The following EYA1 variants were observed in gnomAD, a reference collection of about 807,000 sequenced individuals.
EYA1 encodes the protein EYA transcriptional coactivator and phosphatase 1.
Under a neutral mutation model 82.0 loss-of-function variants are expected in EYA1, and 16 were observed. The observed-to-expected ratio is 0.20, with a 90% CI of 0.13 to 0.30. The LOEUF is 0.30. EYA1 is among the 10% of genes least tolerant of loss of function. The pLI, the probability that EYA1 is intolerant of heterozygous loss-of-function variation, is 1.00. For missense variants in EYA1, 633 were observed against 730.7 expected, an observed-to-expected ratio of 0.87 and a Z score of 1.54; for synonymous variants, 261 against 264.4, an observed-to-expected ratio of 0.99 and a Z score of 0.12.
intron 2 of EYA1, among the ~76,000 whole-genome samples, chr8:71,395,823 A>G (rs1026855062): frequency 3.3e-5 from 5 of 152,150 alleles, no homozygotes; most frequent in Non-Finnish European, 7.3e-5. Context: ...ATTAGGGAGT[A>G]TTCCCTCTTT....
chr8:71,288,729 A>G (rs1282155309), intron 9 of EYA1, among the ~76,000 whole-genome samples: 1 of 152,232 alleles, frequency 6.6e-6, no homozygotes, highest in East Asian at 1.9e-4. Flanking sequence ...TGATTTCCAA[A>G]CCAATTCATG....
chr8:71,280,973 T>C (rs944021639), intron 9 of EYA1, among the ~76,000 whole-genome samples: 3 of 152,142 alleles, frequency 2.0e-5, no homozygotes, highest in Non-Finnish European at 4.4e-5. Context: ...GCCAGGCTAG[T>C]CTCAAACTCC....
rs150117738 is a variant in EYA1 at position 71,303,255 on chromosome 8, A to C, written c.557-3535T>G. Among the ~76,000 whole-genome samples, 3 of 141,202 alleles carry C rather than the reference A, an allele frequency of 2.1e-5. 1 individual carries two copies. The highest frequency in any genetic ancestry group is 7.5e-5 in the African/African-American group (3 of 40,148). 92.6% of individuals were successfully genotyped at this position (141,202 alleles called of 152,430 possible). ...GAATCAATCCACCTATCATCTGTCC[A>C]TCTATCTCCATGATATATGTGTGTG... On this transcript the variant is annotated intron_variant, in intron 7 of 17. Transcript: ENST00000340726.
intron 11 of EYA1, among the ~76,000 whole-genome samples, chr8:71,245,461 C>A (rs1016931963): frequency 1.3e-5 from 2 of 151,834 alleles, no homozygotes; most frequent in Admixed American, 6.6e-5. Flanking sequence ...GATCTGACCT[C>A]ATGATCCGCC....
At chr8:71,493,536 T>C (rs1044427724) in intron 2 of EYA1, among the ~76,000 whole-genome samples, 13 of 152,210 alleles carry the variant, frequency 8.5e-5, no homozygotes, top group Admixed American at 5.2e-4. Context: ...AATTAATTAC[T>C]AATAGAAAAC....
chr8:71,380,865 C>T (rs532988006), intron 2 of EYA1, among the ~76,000 whole-genome samples: 2 of 152,338 alleles, frequency 1.3e-5, no homozygotes, highest in African/African-American at 4.8e-5. Context: ...AACCCAAGTC[C>T]AGCTGATGCC....
chr8:71,264,635 T>C (rs1434072339), intron 11 of EYA1, among the ~76,000 whole-genome samples: 1 of 151,794 alleles, frequency 6.6e-6, no homozygotes, highest in East Asian at 1.9e-4. Context: ...TGGAATGCAG[T>C]AGTGCAATCA....
intron 2 of EYA1, among the ~76,000 whole-genome samples, chr8:71,456,543 T>G (rs2129185161): frequency 6.6e-6 from 1 of 152,194 alleles, no homozygotes; most frequent in East Asian, 1.9e-4. Context: ...AGCATGCTAC[T>G]GGTACCAAAA....
chr8:71,229,602 G>C (rs1039568170), intron 12 of EYA1, among the ~76,000 whole-genome samples: 1 of 152,182 alleles, frequency 6.6e-6, no homozygotes, highest in African/African-American at 2.4e-5. Flanking sequence ...TCAGTTAATA[G>C]ATAATGTTAG....
chr8:71,471,370 A>G (rs1276804083), intron 2 of EYA1, among the ~76,000 whole-genome samples: 2 of 152,084 alleles, frequency 1.3e-5, no homozygotes, highest in African/African-American at 4.8e-5. Flanking sequence ...GATGATTGTT[A>G]TATATTGATA....
At chr8:71,459,750 G>A (rs1385123960) in intron 2 of EYA1, among the ~76,000 whole-genome samples, 2 of 151,718 alleles carry the variant, frequency 1.3e-5, no homozygotes, top group East Asian at 3.9e-4. Flanking sequence ...TTCCAACACT[G>A]CTCTTAATAT....
intron 2 of EYA1, among the ~76,000 whole-genome samples, chr8:71,367,774 C>T (rs1827841129): frequency 6.6e-6 from 1 of 152,106 alleles, no homozygotes; most frequent in Non-Finnish European, 1.5e-5. Flanking sequence ...TGCTTGCAAG[C>T]GATCAAATTG....
chr8:71,365,425 A>G (rs1827697180), upstream of EYA1, among the ~76,000 whole-genome samples: 1 of 152,174 alleles, frequency 6.6e-6, no homozygotes, highest in African/African-American at 2.4e-5. Context: ...CAAAAATAAC[A>G]GTATAGTAAG....
At chr8:71,286,863 C>A (rs1405226760) in intron 9 of EYA1, among the ~76,000 whole-genome samples, 1 of 145,530 alleles carries the variant, frequency 6.9e-6, no homozygotes, top group Non-Finnish European at 1.5e-5. Context: ...AGTGCAGTGG[C>A]ACGATCTCAG....
intron 12 of EYA1, among the ~76,000 whole-genome samples, chr8:71,236,087 C>T (rs1048117610): frequency 2.6e-5 from 4 of 152,182 alleles, no homozygotes; most frequent in African/African-American, 9.7e-5. Context: ...GTCACTCAGG[C>T]TGGAGTGCAG....
chr8:71,445,795 C>T (rs912137025), intron 2 of EYA1, among the ~76,000 whole-genome samples: 18 of 152,162 alleles, frequency 1.2e-4, no homozygotes, highest in Admixed American at 2.0e-4. Context: ...CCCACCACCA[C>T]GCCCACCTCG....
intron 2 of EYA1, among the ~76,000 whole-genome samples, chr8:71,438,144 T>G (rs2129167890): frequency 6.6e-6 from 1 of 152,256 alleles, no homozygotes; most frequent in Middle Eastern, 3.4e-3. Flanking sequence ...CTTACCATCT[T>G]GTTAATTCTC....
intron 11 of EYA1, among the ~76,000 whole-genome samples, chr8:71,257,568 T>C (rs1814591434): frequency 6.6e-6 from 1 of 152,210 alleles, no homozygotes; most frequent in Non-Finnish European, 1.5e-5. Context: ...AAGAAGGTGC[T>C]AGGGCATACT....
intron 1 of EYA1, among the ~76,000 whole-genome samples, chr8:71,546,629 G>A (rs1042901944): frequency 2.0e-5 from 3 of 151,612 alleles, no homozygotes; most frequent in Non-Finnish European, 4.4e-5. Context: ...AGCCTCCCGA[G>A]TAGCTGGGAT....
Sources: allele counts gnomAD v4.1 joint callset (sites outside exome capture counted in the v4.1 genomes callset), GRCh38; gene constraint gnomAD v4.1.1; transcripts MANE v1.5; gene names NCBI Gene and HGNC (gene_info 2026-07-23, HGNC 2026-07-21).